The following PDE1C variants were observed in gnomAD, a reference collection of about 807,000 sequenced individuals.
PDE1C encodes the protein phosphodiesterase 1C.
PDE1C carries 62 observed loss-of-function variants against 93.1 expected under a neutral mutation model. The observed-to-expected ratio is 0.67, with a 90% CI of 0.54 to 0.82. The LOEUF (loss-of-function observed/expected upper bound fraction) is 0.82, where lower values mean the gene tolerates loss of function less well. Ranked by LOEUF, PDE1C falls within the 40% of genes least tolerant of loss-of-function variation. The probability of loss-of-function intolerance (pLI) is 0.00; values close to 1 mark genes in which losing one functional copy is unlikely to be tolerated. For missense variants in PDE1C, 742 were observed against 884.6 expected, an observed-to-expected ratio of 0.84 and a Z score of 2.04; for synonymous variants, 325 against 310.1, an observed-to-expected ratio of 1.05 and a Z score of -0.50.
intron 1 of PDE1C, among the ~76,000 whole-genome samples, chr7:32,279,550 T>C (rs776321430): frequency 2.0e-5 from 3 of 152,166 alleles, no homozygotes; most frequent in Non-Finnish European, 2.9e-5. Context: ...ATACAATATA[T>C]ACATGCATTG....
At chr7:31,653,913 A>G in the PDE1C span, among the ~76,000 whole-genome samples, 1 of 152,174 alleles carries the variant, frequency 6.6e-6, no homozygotes, top group Non-Finnish European at 1.5e-5. Context: ...CCTCAGAGGT[A>G]CCAGACTGTC....
At chr7:32,076,970 C>T (rs1796393918) in intron 3 of PDE1C, among the ~76,000 whole-genome samples, 1 of 149,744 alleles carries the variant, frequency 6.7e-6, no homozygotes, top group African/African-American at 2.4e-5. Context: ...GGCACAGTGG[C>T]TCACGCCTGT....
rs1302099049 is a variant in PDE1C, at chr7:31,786,328, T to C, written c.1892-10596A>G. ...GTTTTTTTCTTAAATCAAGAGGCCA[T>C]AGAGAAGTTTTTATTTTATTTTTTC... On this transcript the variant is annotated intron_variant, in intron 16 of 17. Coordinates refer to ENST00000396191, the MANE Select transcript of PDE1C (RefSeq NM_001191057.4). 2.0e-5 allele frequency: 3 copies of C among 151,886 alleles called. 1 individual carries two copies. The highest frequency in any genetic ancestry group is 4.2e-4 in the South Asian group (2 of 4,812). 9.4% of individuals were successfully genotyped at this position (151,886 alleles called of 1,614,324 possible).
intron 1 of PDE1C, among the ~76,000 whole-genome samples, chr7:32,235,502 A>G (rs979297889): frequency 1.3e-5 from 2 of 152,042 alleles, no homozygotes; most frequent in African/African-American, 4.8e-5. Context: ...TAATTTTTCT[A>G]TATACTAACA....
intron 3 of PDE1C, among the ~76,000 whole-genome samples, chr7:32,137,035 T>C (rs1800249747): frequency 6.6e-6 from 1 of 152,240 alleles, no homozygotes; most frequent in South Asian, 2.1e-4. Context: ...CACAGAATCA[T>C]GTATTCACTC....
the PDE1C span, among the ~76,000 whole-genome samples, chr7:31,676,158 C>T: frequency 6.6e-6 from 1 of 152,250 alleles, no homozygotes; most frequent in Non-Finnish European, 1.5e-5. Flanking sequence ...GCAGCTAAGC[C>T]AAGGGCTGTC....
intron 2 of PDE1C, among the ~76,000 whole-genome samples, chr7:31,969,423 A>C (rs1810564789): frequency 6.6e-6 from 1 of 152,248 alleles, no homozygotes; most frequent in Non-Finnish European, 1.5e-5. Flanking sequence ...AGAGAAATGC[A>C]AATCAAAACC....
At chr7:32,107,302 AAAGGAAGGAAAG>A (rs1172003521) in intron 3 of PDE1C, among the ~76,000 whole-genome samples, 3 of 147,880 alleles carry the variant, frequency 2.0e-5, no homozygotes, top group Admixed American at 2.0e-4. Flanking sequence ...GGGAGGGAGG[AAAGGAAGGAAAG>A]AAGGAAGGGA....
intron 2 of PDE1C, among the ~76,000 whole-genome samples, chr7:31,959,191 T>TG (rs1189024798): frequency 6.7e-6 from 1 of 149,472 alleles, no homozygotes; most frequent in African/African-American, 2.4e-5. Flanking sequence ...TTTTTTGTTT[T>TG]TTGTTTTGTT....
chr7:31,915,361 C>A (rs1801750213), intron 2 of PDE1C, among the ~76,000 whole-genome samples: 2 of 152,278 alleles, frequency 1.3e-5, no homozygotes, highest in Admixed American at 6.5e-5. Context: ...AGTCCTTCAA[C>A]CTGGGTCTTG....
chr7:32,079,560 G>C (rs1465466948), intron 3 of PDE1C, among the ~76,000 whole-genome samples: 1 of 152,236 alleles, frequency 6.6e-6, no homozygotes, highest in African/African-American at 2.4e-5. Context: ...CCATGCAGCT[G>C]TAGCCAGATG....
chr7:32,405,580 G>A (rs1423204935), intron 1 of PDE1C, among the ~76,000 whole-genome samples: 1 of 152,116 alleles, frequency 6.6e-6, no homozygotes, highest in Non-Finnish European at 1.5e-5. Flanking sequence ...CTGGTGAGCA[G>A]AACTTCTTTT....
intron 17 of PDE1C, among the ~76,000 whole-genome samples, chr7:31,767,662 A>C (rs1319390091): frequency 6.6e-6 from 1 of 152,256 alleles, no homozygotes; most frequent in South Asian, 2.1e-4. Flanking sequence ...TTGGGCTGCT[A>C]TAACAAAGTA....
chr7:31,953,276 C>T (rs915457649), intron 2 of PDE1C, among the ~76,000 whole-genome samples: 6 of 152,142 alleles, frequency 3.9e-5, no homozygotes, highest in Admixed American at 6.6e-5. Flanking sequence ...CAGGTTCTAC[C>T]CATAACTTGG....
At chr7:31,737,061 C>G in the PDE1C span, among the ~76,000 whole-genome samples, 2 of 152,328 alleles carry the variant, frequency 1.3e-5, no homozygotes, top group African/African-American at 2.4e-5. Flanking sequence ...GGTGATTCTC[C>G]TGCCTCAGTG....
chr7:31,994,631 G>A (rs1186732165), intron 2 of PDE1C, among the ~76,000 whole-genome samples: 1 of 152,108 alleles, frequency 6.6e-6, no homozygotes, highest in Non-Finnish European at 1.5e-5. Flanking sequence ...TAATTGCAAG[G>A]AACCTAATTA....
intron 1 of PDE1C, among the ~76,000 whole-genome samples, chr7:32,363,145 C>G (rs1585126274): frequency 6.6e-6 from 1 of 152,130 alleles, no homozygotes; most frequent in East Asian, 1.9e-4. Flanking sequence ...AAGGGGGCAT[C>G]TTTATTAGTA....
chr7:31,625,743 G>T, the PDE1C span, among the ~76,000 whole-genome samples: 1 of 151,772 alleles, frequency 6.6e-6, no homozygotes, highest in East Asian at 1.9e-4. Context: ...TGCACATTGT[G>T]CACATGTACC....
intron 2 of PDE1C, among the ~76,000 whole-genome samples, chr7:32,201,296 G>C (rs1804993104): frequency 6.6e-6 from 1 of 152,210 alleles, no homozygotes; most frequent in Non-Finnish European, 1.5e-5. Flanking sequence ...ATTCAAAGGA[G>C]TATATATTGA....
Sources: gnomAD v4.1 joint callset for allele counts (sites outside exome capture counted in the v4.1 genomes callset) on GRCh38, gnomAD v4.1.1 for gene constraint, MANE v1.5 for transcripts, NCBI Gene and HGNC (gene_info 2026-07-23, HGNC 2026-07-21) for gene names.